ATP8A2: variants seen among roughly 807,000 people sequenced by gnomAD.
ATP8A2 encodes the protein phospholipid-transporting ATPase IB.
Under a neutral mutation model 165.6 loss-of-function variants are expected in ATP8A2, and 100 were observed. That is an observed-to-expected ratio of 0.60 (90% CI 0.51 to 0.71). The LOEUF (loss-of-function observed/expected upper bound fraction) is 0.71, where lower values mean the gene tolerates loss of function less well. Ranked by LOEUF, ATP8A2 falls within the 30% of genes least tolerant of loss-of-function variation. ATP8A2 has a pLI of 0.00. For synonymous variants in ATP8A2, 543 were observed against 548.8 expected, an observed-to-expected ratio of 0.99 and a Z score of 0.15; for missense variants, 1,227 against 1,479.5, an observed-to-expected ratio of 0.83 and a Z score of 2.80.
rs377240809 is a variant in ATP8A2 at position 25,531,355 on chromosome 13, T to A, written c.420+695T>A. On this transcript the variant is annotated intron_variant, in intron 4 of 36. Transcript: ENST00000381655. ...ATATATGTTATATATGATATATATGTTATATATGATATATATATGTTATAT... is the reference window on the plus strand; with the variant it reads ...ATATATGTTATATATGATATATATGATATATATGATATATATATGTTATAT... Among the ~76,000 whole-genome samples, 112 of 131,914 alleles carry A rather than the reference T, an allele frequency of 8.5e-4. 2 individuals are homozygous for A. The highest frequency in any genetic ancestry group is 3.1e-3 in the African/African-American group (103 of 32,898). The allele number at this position is 131,914 out of a possible 152,430, so 86.5% of individuals were successfully genotyped here. A position where few individuals can be genotyped will look rare whatever the true frequency, so the allele number is the denominator to read the frequency against.
chr13:25,979,960 A>G (rs1956143396), intron 35 of ATP8A2, among the ~76,000 whole-genome samples: 1 of 152,230 alleles, frequency 6.6e-6, no homozygotes, highest in Admixed American at 6.5e-5. Flanking sequence ...TAACAGACTT[A>G]TTTGTCAAAG....
At position 25,461,852 on chromosome 13, in the gene ATP8A2, AAGG is replaced by A. The variant is rs1555274204; in HGVS notation, c.77-7099_77-7097del. Among the ~76,000 whole-genome samples the A allele has an allele frequency of 4.3e-3, 637 of 147,810 alleles. 4 individuals are homozygous for A. The highest frequency in any genetic ancestry group is 0.015 in the African/African-American group (585 of 39,902). On this transcript the variant is annotated intron_variant, in intron 1 of 36. Transcript: ENST00000381655. ...GAGGAAGAAGAAGAAGGAGAAGAAG[AAGG>A]AGGAGGAGGAGGAGGAGGAGGAGGA... is the stretch of plus-strand genomic sequence containing the variant.
intron 2 of ATP8A2, among the ~76,000 whole-genome samples, chr13:25,516,442 C>A (rs1055169325): frequency 2.0e-5 from 3 of 152,086 alleles, no homozygotes; most frequent in African/African-American, 7.2e-5. Context: ...GGATTATTTC[C>A]CTCTGTTTGG....
chr13:25,435,195 A>G (rs914437469), intron 1 of ATP8A2, among the ~76,000 whole-genome samples: 2 of 147,866 alleles, frequency 1.4e-5, no homozygotes, highest in Non-Finnish European at 3.0e-5. Context: ...ATCTCGGCTC[A>G]CTGCAACCTC....
chr13:25,983,935 T>C (rs1436678698), intron 35 of ATP8A2, among the ~76,000 whole-genome samples: 4 of 152,058 alleles, frequency 2.6e-5, no homozygotes, highest in African/African-American at 9.7e-5. Context: ...ACAGCTGATA[T>C]AAAAAGTTAT....
chr13:25,518,145 T>G (rs543622677), intron 2 of ATP8A2, among the ~76,000 whole-genome samples: 1 of 152,342 alleles, frequency 6.6e-6, no homozygotes, highest in South Asian at 2.1e-4. Flanking sequence ...CCTTGATTGG[T>G]TGAATGCACT....
chr13:25,584,124 T>C (rs949150996), intron 23 of ATP8A2, among the ~76,000 whole-genome samples: 1 of 152,182 alleles, frequency 6.6e-6, no homozygotes, highest in Non-Finnish European at 1.5e-5. Flanking sequence ...GTTTCTTCAC[T>C]TCACCTTTGG....
chr13:25,904,353 T>G (rs933240775), intron 33 of ATP8A2, among the ~76,000 whole-genome samples: 13 of 152,332 alleles, frequency 8.5e-5, no homozygotes, highest in African/African-American at 3.1e-4. Flanking sequence ...CAGACAGATT[T>G]CCTAAACCGT....
intron 33 of ATP8A2, among the ~76,000 whole-genome samples, chr13:25,939,100 C>T (rs1359655864): frequency 6.6e-6 from 1 of 152,152 alleles, no homozygotes; most frequent in Non-Finnish European, 1.5e-5. Context: ...GCCTTGGCCT[C>T]CCAAAGTGCT....
intron 1 of ATP8A2, among the ~76,000 whole-genome samples, chr13:25,430,915 T>TC (rs1432043399): frequency 6.6e-6 from 1 of 151,726 alleles, no homozygotes; most frequent in East Asian, 2.0e-4. Context: ...TTTATAGTGG[T>TC]CTTTTAAGCA....
At chr13:25,836,025 G>C (rs1224976962) in intron 28 of ATP8A2, among the ~76,000 whole-genome samples, 1 of 152,200 alleles carries the variant, frequency 6.6e-6, no homozygotes, top group Non-Finnish European at 1.5e-5. Flanking sequence ...TAAGGAAACA[G>C]AAGTAGAACA....
intron 24 of ATP8A2, among the ~76,000 whole-genome samples, chr13:25,684,277 T>C (rs2042556100): frequency 6.6e-6 from 1 of 152,244 alleles, no homozygotes; most frequent in South Asian, 2.1e-4. Context: ...ACTGGAAATA[T>C]TTTTGCTCCT....
chr13:25,897,399 T>A (rs1199943546), intron 33 of ATP8A2, among the ~76,000 whole-genome samples: 1 of 152,234 alleles, frequency 6.6e-6, no homozygotes, highest in Non-Finnish European at 1.5e-5. Context: ...TGCCGAGACA[T>A]CAGCTGTTAG....
chr13:25,894,854 A>G (rs377271539), intron 33 of ATP8A2, among the ~76,000 whole-genome samples: 7 of 152,094 alleles, frequency 4.6e-5, no homozygotes, highest in Admixed American at 6.6e-5. Flanking sequence ...TTGGTGTATA[A>G]GAATGCTTGT....
rs923439262 is a variant in ATP8A2 at position 25,802,460 on chromosome 13, A to C, written c.2680-25658A>C. Among the ~76,000 whole-genome samples, 3 of 152,200 alleles carry C rather than the reference A, an allele frequency of 2.0e-5. No individual in the cohort carries two copies. The East Asian group carries it at 5.8e-4, about 29-fold the overall frequency. ...ATACGAATGGCATATTTTAATTAGGAAATACAGTAATCCTAAGTGAGCTTC... is the reference window on the plus strand; with the variant it reads ...ATACGAATGGCATATTTTAATTAGGCAATACAGTAATCCTAAGTGAGCTTC... On this transcript the variant is annotated intron_variant, in intron 27 of 36. Transcript: ENST00000381655.
At chr13:25,939,890 C>T (rs1027984232) in intron 33 of ATP8A2, among the ~76,000 whole-genome samples, 1 of 152,216 alleles carries the variant, frequency 6.6e-6, no homozygotes, top group Non-Finnish European at 1.5e-5. Context: ...AGTGGGGCTC[C>T]AAAACCACTT....
intron 35 of ATP8A2, among the ~76,000 whole-genome samples, chr13:25,972,760 C>T (rs908093714): frequency 6.6e-6 from 1 of 152,056 alleles, no homozygotes; most frequent in African/African-American, 2.4e-5. Flanking sequence ...GAAGTGTAAG[C>T]CATGCAAATT....
intron 30 of ATP8A2, among the ~76,000 whole-genome samples, chr13:25,849,115 G>A (rs1951947022): frequency 6.6e-6 from 1 of 152,188 alleles, no homozygotes; most frequent in Non-Finnish European, 1.5e-5. Context: ...AAAAGCAGGA[G>A]AAACTTGGTA....
At chr13:25,524,153 G>C (rs2037759814) in intron 2 of ATP8A2, among the ~76,000 whole-genome samples, 1 of 151,914 alleles carries the variant, frequency 6.6e-6, no homozygotes, top group Non-Finnish European at 1.5e-5. Flanking sequence ...TAATTTCCAT[G>C]GGTTTGTGTA....
Sources: allele counts gnomAD v4.1 joint callset (sites outside exome capture counted in the v4.1 genomes callset), GRCh38; gene constraint gnomAD v4.1.1; transcripts MANE v1.5; gene names NCBI Gene and HGNC (gene_info 2026-07-23, HGNC 2026-07-21).